P2RX1: variants seen among roughly 807,000 people sequenced by gnomAD.
P2RX1 encodes the protein P2X purinoceptor 1.
Under a neutral mutation model 50.3 loss-of-function variants are expected in P2RX1, and 42 were observed. The observed-to-expected ratio is 0.83, with a 90% CI of 0.65 to 1.08. The LOEUF (loss-of-function observed/expected upper bound fraction) is 1.08. P2RX1 is among the 50% of genes least tolerant of loss of function. The pLI, the probability that P2RX1 is intolerant of heterozygous loss-of-function variation, is 0.00. For synonymous variants in P2RX1, 199 were observed against 202.6 expected (o/e 0.98, Z 0.15); for missense variants, 449 against 529.0 (o/e 0.85, Z 1.48).
chr17:3,911,691 A>C (rs939775087), intron 1 of P2RX1, among the ~76,000 whole-genome samples: 2 of 152,176 alleles, frequency 1.3e-5, no homozygotes, highest in Non-Finnish European at 2.9e-5. Flanking sequence ...CCTGGTGTTC[A>C]AAGGCCTTCG....
At chr17:3,900,984 T>C (rs1031084638) in intron 7 of P2RX1, among the ~76,000 whole-genome samples, 2 of 152,076 alleles carry the variant, frequency 1.3e-5, no homozygotes, top group African/African-American at 4.8e-5. Flanking sequence ...AGCTGGAAGG[T>C]GGTCAGAGAA....
In P2RX1 at chr17:3,897,363, T is replaced by G. The variant is rs1189658403; in HGVS notation, c.*451A>C. On this transcript the variant is annotated 3_prime_UTR_variant, in exon 12 of 12. Transcript: ENST00000225538. ...TAACCACACGTATCTACTGAGCAGT[T>G]GAAATGTGGCTAGTTCAGCCGAGGA... 1 of 263,748 alleles carries G rather than the reference T, an allele frequency of 3.8e-6. No individual in the cohort carries two copies. The highest frequency in any genetic ancestry group is 7.6e-6 in the Non-Finnish European group (1 of 131,168). The allele number at this position is 263,748 out of a possible 1,614,324, so 16.3% of individuals were successfully genotyped here.
chr17:3,905,138 T>C, intron 2 of P2RX1, 82 bp downstream of exon 2: 1 of 1,554,582 alleles, frequency 6.4e-7, no homozygotes, highest in Non-Finnish European at 8.8e-7. Context: ...GCTGGGCTGG[T>C]CCCACAGGGA....
chr17:3,899,006 C>T lies in P2RX1; in HGVS notation c.894G>A (p.Val298=). 6.2e-7 allele frequency: 1 copy of T among 1,612,992 alleles called. No individual in the cohort carries two copies. Among genetic ancestry groups the T allele is most frequent in the Non-Finnish European group, 8.5e-7 (1 of 1,179,640 alleles). The change falls in exon 9 of 12, where the codon GTG becomes GTA. Residue 298 remains valine (V), a synonymous_variant. Coordinates refer to ENST00000225538, the MANE Select transcript of P2RX1 (RefSeq NM_002558.4). ...GGTGACGGTAGTTGGTCCCGTTCTC[C>T]ACAAAGTGCCTGGCAAACCTTGGGG... The part of the protein sequence containing the change: ...GFNFRFARHF[V]ENGTNYRHLF...
chr17:3,903,373 T>C lies in P2RX1; in HGVS notation c.606-30A>G, dbSNP rs376853819. ...GGGGGTGGAAGGTGTTGACAGCTGC[T>C]GTGTGTCATCCGGGAGGGTGCCCAC... On this transcript the variant is annotated intron_variant, in intron 6 of 11. Coordinates refer to ENST00000225538, the MANE Select transcript of P2RX1 (RefSeq NM_002558.4). This position sits in a 1 kb window ranked among gnomAD's most constrained non-coding sequence, Gnocchi z 4.6. 50 of 1,613,510 alleles carry C rather than the reference T, an allele frequency of 3.1e-5. No individual in the cohort carries two copies. Among genetic ancestry groups the C allele is most frequent in the Admixed American group, 8.3e-5 (5 of 59,960 alleles).
In P2RX1 at chr17:3,898,126, G is replaced by A; in HGVS notation, c.1033-16C>T. On this transcript the variant is annotated splice_polypyrimidine_tract_variant and intron_variant, in intron 10 of 11. Transcript: ENST00000225538. ...GAACTGTGGCCTGGGGTCAGGGAAG[G>A]GCACGGAGACAGCGTGGGAATCCGG... 3 of 1,609,690 alleles carry A rather than the reference G, an allele frequency of 1.9e-6. No homozygotes were observed. Among genetic ancestry groups the A allele is most frequent in the Non-Finnish European group, 2.5e-6 (3 of 1,176,490 alleles).
At chr17:3,911,644 C>T (rs1039358431) in intron 1 of P2RX1, among the ~76,000 whole-genome samples, 4 of 151,698 alleles carry the variant, frequency 2.6e-5, no homozygotes, top group African/African-American at 9.7e-5. Flanking sequence ...CCTGTCTTGG[C>T]TCCCTTCTGC....
At chr17:3,907,154 A>C (rs2056279964) in intron 1 of P2RX1, among the ~76,000 whole-genome samples, 1 of 152,200 alleles carries the variant, frequency 6.6e-6, no homozygotes, top group African/African-American at 2.4e-5. Flanking sequence ...ACGTAAACCA[A>C]TAAATGTCCT....
intron 8 of P2RX1, among the ~76,000 whole-genome samples, 183 bp from the exon 9 acceptor site, chr17:3,899,207 T>G (rs571082730): frequency 8.5e-4 from 1 of 1,182 alleles, no homozygotes; most frequent in South Asian, 0.02. Flanking sequence ...CAACTCCTTT[T>G]TCTTTTTTTT....
At chr17:3,908,462 C>A (rs2056306348) in intron 1 of P2RX1, among the ~76,000 whole-genome samples, 1 of 152,176 alleles carries the variant, frequency 6.6e-6, no homozygotes, top group Non-Finnish European at 1.5e-5. Context: ...ACTTGGGAGG[C>A]TGAGGCAGAG....
intron 7 of P2RX1, among the ~76,000 whole-genome samples, chr17:3,900,492 A>T (rs2056118711): frequency 6.6e-6 from 1 of 152,090 alleles, no homozygotes; most frequent in Admixed American, 6.6e-5. Context: ...GACATTTTTT[A>T]TTTAAGAAAA....
In P2RX1 at chr17:3,914,629, G is replaced by A. The variant is rs1051285828; in HGVS notation, c.137+1460C>T. ...AGGGACGGTCAGGAGTGATACTAAGGGTGGACTTCCGGCCCGTCCTGTACC... is the reference window on the plus strand; with the variant it reads ...AGGGACGGTCAGGAGTGATACTAAGAGTGGACTTCCGGCCCGTCCTGTACC... On this transcript the variant is annotated intron_variant, in intron 1 of 11. Coordinates refer to ENST00000225538, the MANE Select transcript of P2RX1 (RefSeq NM_002558.4). This position sits in a 1 kb window ranked among gnomAD's most constrained non-coding sequence, Gnocchi z 4.1. 1.3e-5 allele frequency among the ~76,000 whole-genome samples: 2 copies of A among 152,184 alleles called. No homozygotes were observed. The highest frequency in any genetic ancestry group is 4.8e-5 in the African/African-American group (2 of 41,446).
intron 10 of P2RX1, 144 bp from the exon 11 acceptor site, chr17:3,898,254 C>G: frequency 1.3e-6 from 1 of 792,662 alleles, no homozygotes; most frequent in Non-Finnish European, 2.2e-6. Flanking sequence ...GTGGATGAGG[C>G]CCTGCAGGAC....
chr17:3,915,797 G>A (rs1397109661), intron 1 of P2RX1: 3 of 555,032 alleles, frequency 5.4e-6, no homozygotes, highest in Non-Finnish European at 6.9e-6. Flanking sequence ...CCCTGGCCCT[G>A]AACACCACTA....
At chr17:3,913,732 G>A (rs1469217916) in intron 1 of P2RX1, among the ~76,000 whole-genome samples, 2 of 152,210 alleles carry the variant, frequency 1.3e-5, no homozygotes, top group Non-Finnish European at 2.9e-5. Context: ...GCTTTGCCCT[G>A]TGTCTGGGAC....
chr17:3,904,580 C>T, intron 3 of P2RX1, 181 bp from the exon 4 acceptor site: 1 of 667,948 alleles, frequency 1.5e-6, no homozygotes, highest in Admixed American at 2.5e-5. Flanking sequence ...CGAGGCGCCC[C>T]CCGGGCTCAT....
Position 3,897,235 on chromosome 17 carries a change from C to A in P2RX1, c.*579G>T. On this transcript the variant is annotated 3_prime_UTR_variant, in exon 12 of 12. Transcript: ENST00000225538. ...GAGCTTGCATTGTCGATAAGTTCCCCAGGGAAACCGAAGGCCAGGAAGAAA... is the reference window on the plus strand; with the variant it reads ...GAGCTTGCATTGTCGATAAGTTCCCAAGGGAAACCGAAGGCCAGGAAGAAA... 1 of 164,938 alleles carries A rather than the reference C, an allele frequency of 6.1e-6. No homozygotes were observed. The highest frequency in any genetic ancestry group is 1.3e-5 in the Non-Finnish European group (1 of 74,414). 10.2% of individuals were successfully genotyped at this position (164,938 alleles called of 1,614,324 possible).
intron 7 of P2RX1, 135 bp from the exon 8 acceptor site, chr17:3,899,896 T>C: frequency 9.4e-7 from 1 of 1,058,658 alleles, no homozygotes; most frequent in South Asian, 1.3e-5. Context: ...AGGCCAGGAG[T>C]TCAAGACCAG....
intron 1 of P2RX1, among the ~76,000 whole-genome samples, chr17:3,910,102 G>C (rs1242123781): frequency 6.6e-6 from 1 of 151,456 alleles, no homozygotes; most frequent in Non-Finnish European, 1.5e-5. Flanking sequence ...AGCCTCCTGA[G>C]GAGCTGGGAT....
Sources: allele counts gnomAD v4.1 joint callset (sites outside exome capture counted in the v4.1 genomes callset), GRCh38; gene constraint gnomAD v4.1.1; non-coding constraint Gnocchi (gnomAD v3.1); transcripts MANE v1.5; gene names NCBI Gene and HGNC (gene_info 2026-07-23, HGNC 2026-07-21).